The following ANXA4 variants were observed in gnomAD, a reference collection of about 807,000 sequenced individuals.
ANXA4 encodes annexin A4, also known as 35-beta calcimedin.
Under a neutral mutation model 49.8 loss-of-function variants are expected in ANXA4, and 39 were observed. The ratio of observed to expected loss-of-function variants is 0.78; its 90% CI spans 0.61 to 1.02. The LOEUF is 1.02. ANXA4 is among the 50% of genes least tolerant of loss of function. ANXA4 has a pLI of 0.00. For synonymous variants in ANXA4, 134 were observed against 152.5 expected, an observed-to-expected ratio of 0.88 and a Z score of 0.89; for missense variants, 360 against 410.1, an observed-to-expected ratio of 0.88 and a Z score of 1.05.
chr2:69,800,792 G>A (rs1475780141), intron 3 of ANXA4, among the ~76,000 whole-genome samples: 1 of 152,170 alleles, frequency 6.6e-6, no homozygotes, highest in East Asian at 1.9e-4. Context: ...GGCCTCGTCT[G>A]GGGTGACACC....
intron 3 of ANXA4, 79 bp from the exon 4 acceptor site, chr2:69,804,453 AC>A (rs971895670): frequency 2.3e-6 from 3 of 1,280,374 alleles, no homozygotes; most frequent in African/African-American, 2.9e-5. Context: ...TGTTTGGGTA[AC>A]TCCAATGTCC....
chr2:69,649,304 A>C (rs1409195794), intron 1 of ANXA4, among the ~76,000 whole-genome samples: 2 of 152,162 alleles, frequency 1.3e-5, no homozygotes, highest in Non-Finnish European at 2.9e-5. Context: ...GAAAATAAAA[A>C]TCAGCTATAA....
At chr2:69,810,395 T>TA in intron 6 of ANXA4, 199 bp from the exon 7 acceptor site, 2 of 563,816 alleles carry the variant, frequency 3.5e-6, no homozygotes, top group Non-Finnish European at 6.4e-6. Flanking sequence ...AAAACAGGAA[T>TA]ATCGTGTGAC....
intron 2 of ANXA4, among the ~76,000 whole-genome samples, chr2:69,685,213 A>G (rs1467682648): frequency 6.6e-6 from 1 of 152,156 alleles, no homozygotes; most frequent in Non-Finnish European, 1.5e-5. Context: ...TAAAAAAGGA[A>G]TGATTAAGAT....
At chr2:69,653,934 T>C (rs1676344566) in intron 2 of ANXA4, among the ~76,000 whole-genome samples, 1 of 152,230 alleles carries the variant, frequency 6.6e-6, no homozygotes, top group Non-Finnish European at 1.5e-5. Context: ...TGTTTTTCCA[T>C]TTGTTTGTGT....
chr2:69,677,135 A>G (rs984730818), intron 2 of ANXA4, among the ~76,000 whole-genome samples: 3 of 151,498 alleles, frequency 2.0e-5, no homozygotes, highest in African/African-American at 7.3e-5. Context: ...TCTTATGCAT[A>G]TAATTAAAAT....
At chr2:69,679,451 G>A (rs1179354462) in intron 2 of ANXA4, among the ~76,000 whole-genome samples, 1 of 152,182 alleles carries the variant, frequency 6.6e-6, no homozygotes, top group Non-Finnish European at 1.5e-5. Context: ...TATTAAACAG[G>A]TTGTCTCTTC....
chr2:69,736,224 G>T (rs892308470), intron 3 of ANXA4, among the ~76,000 whole-genome samples: 7 of 152,172 alleles, frequency 4.6e-5, no homozygotes, highest in African/African-American at 1.7e-4. Flanking sequence ...TGATTGAGGT[G>T]GGGGGCAGGG....
intron 2 of ANXA4, chr2:69,700,205 A>G (rs1328762024): frequency 6.6e-6 from 1 of 152,220 alleles, no homozygotes; most frequent in Non-Finnish European, 1.5e-5. Flanking sequence ...AAAACATCAC[A>G]TTTTTATTTT....
At chr2:69,802,113 G>A (rs1034966157) in intron 3 of ANXA4, among the ~76,000 whole-genome samples, 1 of 152,176 alleles carries the variant, frequency 6.6e-6, no homozygotes, top group Non-Finnish European at 1.5e-5. Context: ...CAAATGTCAG[G>A]CTGCAGTGCC....
At chr2:69,714,235 G>A (rs1678793353) in intron 2 of ANXA4, among the ~76,000 whole-genome samples, 1 of 152,186 alleles carries the variant, frequency 6.6e-6, no homozygotes, top group South Asian at 2.1e-4. Flanking sequence ...TGGGGTAAGG[G>A]TGGAGATGTG....
At chr2:69,699,770 G>C (rs183838883) in intron 2 of ANXA4, among the ~76,000 whole-genome samples, 40 of 152,326 alleles carry the variant, frequency 2.6e-4, no homozygotes, top group Non-Finnish European at 4.0e-4. Flanking sequence ...GAGGTGCCAG[G>C]AACAAAGAAT....
intron 6 of ANXA4, chr2:69,808,240 A>G: frequency 4.6e-6 from 2 of 434,412 alleles, no homozygotes; most frequent in Non-Finnish European, 8.4e-6. Context: ...TTATTACCCT[A>G]AAAGTTGGAA....
chr2:69,750,716 G>C (rs1438046453), intron 1 of ANXA4, among the ~76,000 whole-genome samples: 2 of 152,172 alleles, frequency 1.3e-5, no homozygotes, highest in African/African-American at 4.8e-5. Context: ...GCCTGACCTA[G>C]CTCTGTTTTT....
intron 3 of ANXA4, among the ~76,000 whole-genome samples, chr2:69,728,629 CT>C (rs1670021966): frequency 6.6e-6 from 1 of 152,216 alleles, no homozygotes; most frequent in South Asian, 2.1e-4. Flanking sequence ...AAAAGTCTGT[CT>C]TTTCCTCACT....
intron 2 of ANXA4, among the ~76,000 whole-genome samples, chr2:69,718,637 G>C (rs1208182374): frequency 6.6e-6 from 1 of 152,110 alleles, no homozygotes; most frequent in Non-Finnish European, 1.5e-5. Context: ...TCTCCCACCA[G>C]CCCTATCCAC....
intron 2 of ANXA4, among the ~76,000 whole-genome samples, chr2:69,675,742 C>A (rs1414411407): frequency 6.6e-6 from 1 of 152,092 alleles, no homozygotes; most frequent in Non-Finnish European, 1.5e-5. Context: ...TGCCACTGAT[C>A]TGTATGCTTA....
intron 2 of ANXA4, among the ~76,000 whole-genome samples, chr2:69,700,995 C>G (rs1559091466): frequency 6.6e-6 from 1 of 152,142 alleles, no homozygotes; most frequent in Non-Finnish European, 1.5e-5. Flanking sequence ...GCCTCAGCCT[C>G]CTGAGTAGCT....
rs566198443 is a variant in ANXA4, at chr2:69,687,183, A to G, written n.767-33591A>G. On this transcript the variant is annotated intron_variant and non_coding_transcript_variant, in intron 2 of 3. Transcript: ENST00000418066. ...TAATTGGTGGGTAGAAAAGGATACA[A>G]GGAGACAGATTTCTGTTCAGTATAA... 3.9e-5 allele frequency among the ~76,000 whole-genome samples: 6 copies of G among 152,312 alleles called. No individual in the cohort carries two copies. The East Asian group carries it at 1.2e-3, about 29-fold the overall frequency.
Sources: gnomAD v4.1 joint callset for allele counts (sites outside exome capture counted in the v4.1 genomes callset) on GRCh38, gnomAD v4.1.1 for gene constraint, MANE v1.5 for transcripts, NCBI Gene and HGNC (gene_info 2026-07-23, HGNC 2026-07-21) for gene names.